Variants in KMT5B observed in about 807,000 individuals in gnomAD.
KMT5B encodes the protein histone-lysine N-methyltransferase KMT5B.
In KMT5B, 10 loss-of-function variants were observed where a neutral mutation model predicts 83.2. That is an observed-to-expected ratio of 0.12 (90% CI 0.07 to 0.20). The LOEUF (loss-of-function observed/expected upper bound fraction) is 0.20. Among genes scored for constraint, KMT5B ranks in the 10% least tolerant of loss-of-function variants. The probability of loss-of-function intolerance (pLI) is 1.00; values close to 1 mark genes in which losing one functional copy is unlikely to be tolerated. For synonymous variants in KMT5B, 349 were observed against 388.8 expected, an observed-to-expected ratio of 0.90 and a Z score of 1.20; for missense variants, 753 against 1,067.2, an observed-to-expected ratio of 0.71 and a Z score of 4.10.
At chr11:68,194,117 T>C (rs1303092678) in intron 1 of KMT5B, among the ~76,000 whole-genome samples, 1 of 151,358 alleles carries the variant, frequency 6.6e-6, no homozygotes, top group African/African-American at 2.4e-5. Context: ...GGAACAGTAA[T>C]AGATAAAAAC....
chr11:68,199,584 G>A (rs1046927355), intron 1 of KMT5B, among the ~76,000 whole-genome samples: 5 of 152,216 alleles, frequency 3.3e-5, no homozygotes, highest in Admixed American at 2.0e-4. Flanking sequence ...AGGGAAAGCA[G>A]AGGAGTGACA....
chr11:68,165,909 C>T, intron 10 of KMT5B: 1 of 1,612,922 alleles, frequency 6.2e-7, no homozygotes, highest in Non-Finnish European at 8.5e-7. Flanking sequence ...CAGTGACATT[C>T]ACCATCATGG....
chr11:68,177,597 T>C (rs79801197), intron 4 of KMT5B, among the ~76,000 whole-genome samples: 1 of 152,162 alleles, frequency 6.6e-6, no homozygotes, highest in African/African-American at 2.4e-5. Flanking sequence ...ATTTTTTTTT[T>C]AATTCAGTAA....
chr11:68,162,468 A>G (rs1854952420), intron 10 of KMT5B, among the ~76,000 whole-genome samples: 2 of 152,212 alleles, frequency 1.3e-5, no homozygotes, highest in Admixed American at 6.5e-5. Flanking sequence ...GACTCAGCTT[A>G]GGCAACACCT....
chr11:68,178,385 T>C (rs905797584), intron 4 of KMT5B, among the ~76,000 whole-genome samples: 1 of 152,198 alleles, frequency 6.6e-6, no homozygotes, highest in Non-Finnish European at 1.5e-5. Context: ...CAACACAAAA[T>C]AGTCAACTCT....
At chr11:68,196,764 G>T (rs531868345) in intron 1 of KMT5B, among the ~76,000 whole-genome samples, 1 of 151,900 alleles carries the variant, frequency 6.6e-6, no homozygotes, top group Non-Finnish European at 1.5e-5. Flanking sequence ...CAGAGAAAAA[G>T]AACCAGGACC....
chr11:68,213,325 C>A, upstream of KMT5B: 1 of 148,024 alleles, frequency 6.8e-6, no homozygotes, highest in South Asian at 1.8e-4. Flanking sequence ...ACCGCTCGCT[C>A]CCTCCGCTGA....
intron 1 of KMT5B, among the ~76,000 whole-genome samples, chr11:68,209,916 G>C (rs920143717): frequency 2.6e-5 from 4 of 151,100 alleles, no homozygotes; most frequent in African/African-American, 9.8e-5. Context: ...GCCCAGGCTG[G>C]AGTGCAGTGG....
At position 68,158,105 on chromosome 11, in the gene KMT5B, T is replaced by C; in HGVS notation, c.2241A>G (p.Leu747=). The C allele has an allele frequency of 6.2e-7, 1 of 1,614,244 alleles. No individual in the cohort carries two copies. Among genetic ancestry groups the C allele is most frequent in the Non-Finnish European group, 8.5e-7 (1 of 1,180,046 alleles). ...TGTTATCGTTGTCATGGTCTTTGCTTAACTTGATGCTTATTTTGGAAGAGT... is the reference window on the plus strand; with the variant it reads ...TGTTATCGTTGTCATGGTCTTTGCTCAACTTGATGCTTATTTTGGAAGAGT... The part of the protein sequence containing the change: ...GMNSSKISIK[L]SKDHDNDNNL... The change falls in exon 11 of 11, where the codon TTA becomes TTG. Residue 747 remains leucine, a synonymous_variant. Coordinates refer to ENST00000304363, the MANE Select transcript of KMT5B (RefSeq NM_017635.5).
intron 1 of KMT5B, among the ~76,000 whole-genome samples, chr11:68,194,795 T>C (rs1185253562): frequency 2.6e-5 from 4 of 152,342 alleles, no homozygotes; most frequent in African/African-American, 9.6e-5. Context: ...TCTGTGGCTA[T>C]AAGCTTTCAT....
In KMT5B at chr11:68,171,389, G is replaced by A. The variant is rs1855822260; in HGVS notation, c.821-138C>T. 2.5e-5 allele frequency: 31 copies of A among 1,225,604 alleles called. No individual in the cohort carries two copies. In the South Asian group the frequency reaches 4.3e-4, roughly 17 times the overall value. 75.9% of individuals were successfully genotyped at this position (1,225,604 alleles called of 1,614,324 possible). ...GTTTAGGTCTCAAGTTCAACTAAAG[G>A]AATATACATTTATTTTAATAAGTTT... On this transcript the variant is annotated intron_variant, in intron 7 of 10. Coordinates refer to ENST00000304363, the MANE Select transcript of KMT5B (RefSeq NM_017635.5). The surrounding 1 kb of genome is among the most constrained non-coding windows in gnomAD (Gnocchi z 5.1).
At chr11:68,208,583 T>C (rs559524783) in intron 1 of KMT5B, among the ~76,000 whole-genome samples, 2 of 152,314 alleles carry the variant, frequency 1.3e-5, no homozygotes, top group East Asian at 3.9e-4. Flanking sequence ...AGTATGTGGT[T>C]ATCAATCTGA....
chr11:68,176,028 C>T (rs1408730540), intron 4 of KMT5B, among the ~76,000 whole-genome samples: 1 of 150,658 alleles, frequency 6.6e-6, no homozygotes, highest in Non-Finnish European at 1.5e-5. Flanking sequence ...GATTCTCTTG[C>T]CTCAGCCTCC....
intron 1 of KMT5B, among the ~76,000 whole-genome samples, chr11:68,206,747 A>C (rs2153089216): frequency 6.6e-6 from 1 of 152,298 alleles, no homozygotes; most frequent in South Asian, 2.1e-4. Context: ...TTCTTCACAA[A>C]ACTTTAATCA....
intron 1 of KMT5B, among the ~76,000 whole-genome samples, chr11:68,202,518 A>ACCTGCCT (rs1438564458): frequency 6.8e-6 from 1 of 147,006 alleles, no homozygotes; most frequent in African/African-American, 2.5e-5. Context: ...ATCTGGTAAC[A>ACCTGCCT]CCTGCCTTCC....
intron 5 of KMT5B, 88 bp from the exon 6 acceptor site, chr11:68,174,001 T>C (rs774427004): frequency 5.6e-6 from 5 of 891,226 alleles, no homozygotes; most frequent in Non-Finnish European, 9.1e-6. Context: ...CCACCCGCAA[T>C]GATGAAAAAA....
chr11:68,175,800 T>C (rs1308425132), intron 4 of KMT5B, among the ~76,000 whole-genome samples: 5 of 152,134 alleles, frequency 3.3e-5, no homozygotes, highest in Admixed American at 1.3e-4. Context: ...TAACCACCCA[T>C]GTCAAAGTCA....
intron 1 of KMT5B, among the ~76,000 whole-genome samples, chr11:68,205,915 C>T (rs1028571267): frequency 2.6e-5 from 4 of 152,174 alleles, no homozygotes; most frequent in Non-Finnish European, 4.4e-5. Flanking sequence ...CCACCGCGCC[C>T]GGCCAGACGT....
At chr11:68,179,748 C>T in intron 4 of KMT5B, 1 of 737,282 alleles carries the variant, frequency 1.4e-6, no homozygotes, top group South Asian at 2.5e-5. Flanking sequence ...ACATTTCCCC[C>T]TCTGAAGAAA....
Sources: allele counts gnomAD v4.1 joint callset (sites outside exome capture counted in the v4.1 genomes callset), GRCh38; gene constraint gnomAD v4.1.1; non-coding constraint Gnocchi (gnomAD v3.1); transcripts MANE v1.5; gene names NCBI Gene and HGNC (gene_info 2026-07-23, HGNC 2026-07-21).